The following RBMS2 variants were observed in gnomAD, a reference collection of about 807,000 sequenced individuals.
RBMS2 encodes the protein RNA-binding motif, single-stranded-interacting protein 2.
A neutral mutation model predicts 58.4 loss-of-function variants in RBMS2; 38 were observed. The ratio of observed to expected loss-of-function variants is 0.65; its 90% CI spans 0.50 to 0.85. The LOEUF is 0.85. Among genes scored for constraint, RBMS2 ranks in the 40% least tolerant of loss-of-function variants. The pLI, the probability that RBMS2 is intolerant of heterozygous loss-of-function variation, is 0.00. For synonymous variants in RBMS2, 151 were observed against 180.7 expected, an observed-to-expected ratio of 0.84 and a Z score of 1.32; for missense variants, 367 against 503.7, an observed-to-expected ratio of 0.73 and a Z score of 2.60.
intron 1 of RBMS2, among the ~76,000 whole-genome samples, chr12:56,554,608 A>T (rs1477966637): frequency 6.6e-6 from 1 of 152,186 alleles, no homozygotes; most frequent in Non-Finnish European, 1.5e-5. Flanking sequence ...GGGTAAGAGC[A>T]TCAAGATAAA....
chr12:56,556,382 T>C (rs1056716376), intron 1 of RBMS2, among the ~76,000 whole-genome samples: 3 of 151,218 alleles, frequency 2.0e-5, no homozygotes, highest in Admixed American at 6.6e-5. Context: ...TTAGCTTTTT[T>C]TTTTTTTTTT....
chr12:56,535,478 G>A lies in RBMS2; in HGVS notation c.66+13389G>A, dbSNP rs543626774. ...CCACTGCACTCCAGCCTGGGTGACA[G>A]AGGGAGACTCCATCTCAAAAAAAAA... On this transcript the variant is annotated intron_variant, in intron 1 of 13. Coordinates refer to ENST00000262031, the MANE Select transcript of RBMS2 (RefSeq NM_002898.4). Among the ~76,000 whole-genome samples, 21 of 137,440 alleles carry A rather than the reference G, an allele frequency of 1.5e-4. No homozygotes were observed. In the East Asian group the frequency reaches 4.5e-3, roughly 30 times the overall value. 90.2% of individuals were successfully genotyped at this position (137,440 alleles called of 152,430 possible). A position where few individuals can be genotyped will look rare whatever the true frequency, so the allele number is the denominator to read the frequency against.
chr12:56,573,323 A>T (rs981455947), intron 5 of RBMS2: 1 of 350,298 alleles, frequency 2.9e-6, no homozygotes, highest in Non-Finnish European at 4.0e-6. Flanking sequence ...CTAAAAATAC[A>T]AAAATTAGCT....
chr12:56,573,919 C>T (rs1882743855), intron 5 of RBMS2, among the ~76,000 whole-genome samples: 6 of 152,188 alleles, frequency 3.9e-5, no homozygotes. Flanking sequence ...TGGCTCACTG[C>T]AACCTCTGCC....
At chr12:56,536,933 T>G (rs921053225) in intron 1 of RBMS2, among the ~76,000 whole-genome samples, 1 of 151,304 alleles carries the variant, frequency 6.6e-6, no homozygotes, top group African/African-American at 2.4e-5. Context: ...TTTTTTTTTT[T>G]TTTTTGAGAC....
chr12:56,572,659 T>C, intron 5 of RBMS2: 1 of 360,942 alleles, frequency 2.8e-6, no homozygotes, highest in Admixed American at 6.4e-5. Context: ...ATCTTACAGA[T>C]GAGGAAAGTG....
chr12:56,572,362 TA>T (rs1192750369), intron 5 of RBMS2, among the ~76,000 whole-genome samples: 9 of 151,042 alleles, frequency 6.0e-5, no homozygotes, highest in African/African-American at 2.2e-4. Flanking sequence ...CCCACCTAAA[TA>T]TTTTTTTTAT....
intron 1 of RBMS2, among the ~76,000 whole-genome samples, chr12:56,534,657 T>A (rs1253335239): frequency 6.6e-6 from 1 of 152,174 alleles, no homozygotes; most frequent in South Asian, 2.1e-4. Context: ...TTATTTATTT[T>A]TTATGATGGA....
chr12:56,569,030 A>G lies in RBMS2; in HGVS notation c.289A>G (p.Lys97Glu). ...ACTGGACAAGACCACAAACAAATGT[A>G]AAGGTGAGAGAACAACTGTCCTTGG... is the stretch of plus-strand genomic sequence containing the variant. ...AILDKTTNKCKGYGFVDFDSP... is the reference protein window; with the variant it reads ...AILDKTTNKCEGYGFVDFDSP... Residue 97 changes from lysine to glutamate, a missense_variant, in exon 3 of 14, where the codon AAA (lysine) becomes GAA (glutamate). By Grantham distance (56) the Lys-to-Glu change is moderately conservative. Transcript: ENST00000262031. The G allele has an allele frequency of 6.2e-7, 1 of 1,611,768 alleles. No individual in the cohort carries two copies. The highest frequency in any genetic ancestry group is 1.3e-5 in the African/African-American group (1 of 75,006).
chr12:56,554,564 C>T (rs1331631787), intron 1 of RBMS2, among the ~76,000 whole-genome samples: 1 of 152,018 alleles, frequency 6.6e-6, no homozygotes, highest in African/African-American at 2.4e-5. Context: ...GAGAGGGGAA[C>T]AACACACACT....
rs2136656049 is a variant in RBMS2 at position 56,595,727 on chromosome 12, G to A, written c.*6594G>A. 6.6e-6 allele frequency: 1 copy of A among 152,636 alleles called. No individual in the cohort carries two copies. The highest frequency in any genetic ancestry group is 1.9e-4 in the East Asian group (1 of 5,184). 9.5% of individuals were successfully genotyped at this position (152,636 alleles called of 1,614,324 possible). On this transcript the variant is annotated 3_prime_UTR_variant, in exon 14 of 14. Transcript: ENST00000262031. ...ACATCTCACAAGGCAGGACCTGGAT[G>A]CACTGAATCCCCCTTTGCTCCAGCA...
chr12:56,528,428 G>C (rs898446146), intron 1 of RBMS2, among the ~76,000 whole-genome samples: 3 of 152,180 alleles, frequency 2.0e-5, no homozygotes, highest in African/African-American at 7.2e-5. Context: ...AACAAGTAAG[G>C]AAGTATAGAT....
At chr12:56,578,962 T>TA (rs1340365807) in intron 5 of RBMS2, among the ~76,000 whole-genome samples, 4 of 152,098 alleles carry the variant, frequency 2.6e-5, no homozygotes, top group African/African-American at 9.7e-5. Context: ...AGACTCCATC[T>TA]AAAAAAACAA....
At chr12:56,576,103 C>T (rs1883089664) in intron 5 of RBMS2, among the ~76,000 whole-genome samples, 1 of 151,710 alleles carries the variant, frequency 6.6e-6, no homozygotes, top group East Asian at 1.9e-4. Context: ...TTTGGGAGGC[C>T]GAGGCGAGCA....
At position 56,592,381 on chromosome 12, in the gene RBMS2, A is replaced by G. The variant is rs919213775; in HGVS notation, c.*3248A>G. 2 of 152,078 alleles carry G rather than the reference A, an allele frequency of 1.3e-5. No homozygotes were observed. The highest frequency in any genetic ancestry group is 6.5e-5 in the Admixed American group (1 of 15,268). The allele number at this position is 152,078 out of a possible 1,614,324, so 9.4% of individuals were successfully genotyped here. A position where few individuals can be genotyped will look rare whatever the true frequency, so the allele number is the denominator to read the frequency against. On this transcript the variant is annotated 3_prime_UTR_variant, in exon 14 of 14. Transcript: ENST00000262031. ...CTCTGAGCCTGCCTAGCCATCTCCT[A>G]TCGGTGTTATTACTCCTCATCTCAG...
chr12:56,567,645 T>C (rs2136453550), intron 2 of RBMS2, among the ~76,000 whole-genome samples: 1 of 152,210 alleles, frequency 6.6e-6, no homozygotes, highest in Admixed American at 6.5e-5. Context: ...AAGACCAGCC[T>C]GGGTAGCATA....
chr12:56,556,643 T>C (rs1879292334), intron 1 of RBMS2, among the ~76,000 whole-genome samples: 1 of 152,174 alleles, frequency 6.6e-6, no homozygotes, highest in African/African-American at 2.4e-5. Flanking sequence ...CCCAAAGTGC[T>C]GGGATTATGG....
chr12:56,566,230 A>T (rs1183126798), intron 2 of RBMS2, among the ~76,000 whole-genome samples: 2 of 152,132 alleles, frequency 1.3e-5, no homozygotes, highest in African/African-American at 4.8e-5. Flanking sequence ...AAAACAAATC[A>T]ATCATCATAT....
intron 12 of RBMS2, chr12:56,588,619 TA>T (rs910107979): frequency 1.2e-3 from 590 of 492,194 alleles, no homozygotes; most frequent in African/African-American, 2.6e-3. Context: ...GTTCCATATT[TA>T]AAAAAAAAAC....
Sources: allele counts gnomAD v4.1 joint callset (sites outside exome capture counted in the v4.1 genomes callset), GRCh38; gene constraint gnomAD v4.1.1; transcripts MANE v1.5; gene names NCBI Gene and HGNC (gene_info 2026-07-23, HGNC 2026-07-21).